The following COLEC12 variants were observed in gnomAD, a reference collection of about 807,000 sequenced individuals.
COLEC12 encodes the protein collectin subfamily member 12.
COLEC12 carries 33 observed loss-of-function variants against 71.1 expected under a neutral mutation model. That is an observed-to-expected ratio of 0.46 (90% CI 0.35 to 0.62). The LOEUF is 0.62. Ranked by LOEUF, COLEC12 falls within the 20% of genes least tolerant of loss-of-function variation. The probability of loss-of-function intolerance (pLI) is 0.00; values close to 1 mark genes in which losing one functional copy is unlikely to be tolerated. For synonymous variants in COLEC12, 350 were observed against 353.0 expected (o/e 0.99, Z 0.10); for missense variants, 765 against 916.1 (o/e 0.84, Z 2.13).
intron 2 of COLEC12, among the ~76,000 whole-genome samples, chr18:398,070 CA>C (rs5822563): frequency 0.99 from 151,218 of 152,316 alleles, 75,072 homozygotes; most frequent in Middle Eastern, 1. Flanking sequence ...CAAAAAAACA[CA>C]AAAAAACAGC....
chr18:319,911 T>G lies in COLEC12; in HGVS notation c.*134A>C. The G allele has an allele frequency of 1.5e-6, 1 of 686,058 alleles. No homozygotes were observed. The highest frequency in any genetic ancestry group is 2.6e-6 in the Non-Finnish European group (1 of 386,052). The allele number at this position is 686,058 out of a possible 1,614,324, so 42.5% of individuals were successfully genotyped here. On this transcript the variant is annotated 3_prime_UTR_variant, in exon 10 of 10. Transcript: ENST00000400256. ...ATGACGGATGGTAAAAAACACTAGC[T>G]GTCAATTTTTTTTCAGTAATTGGTT...
chr18:393,478 C>T (rs986928762), intron 2 of COLEC12, among the ~76,000 whole-genome samples: 1 of 152,036 alleles, frequency 6.6e-6, no homozygotes, highest in Non-Finnish European at 1.5e-5. Flanking sequence ...CTTCTTCCCA[C>T]CTCTAACAAC....
At chr18:378,073 T>G (rs956526742) in intron 2 of COLEC12, among the ~76,000 whole-genome samples, 1 of 152,060 alleles carries the variant, frequency 6.6e-6, no homozygotes, top group Non-Finnish European at 1.5e-5. Context: ...TAACAAACGC[T>G]CTGGCACTGA....
intron 2 of COLEC12, among the ~76,000 whole-genome samples, chr18:471,983 G>A (rs1567918412): frequency 6.6e-6 from 1 of 152,216 alleles, no homozygotes; most frequent in Non-Finnish European, 1.5e-5. Context: ...TGGACACACT[G>A]TAGCCACCTT....
chr18:349,506 G>A (rs997409165), intron 3 of COLEC12, among the ~76,000 whole-genome samples: 3 of 152,206 alleles, frequency 2.0e-5, no homozygotes, highest in South Asian at 2.1e-4. Flanking sequence ...ATGTGGTGTC[G>A]GAGCCCCCAC....
intron 2 of COLEC12, among the ~76,000 whole-genome samples, chr18:401,594 T>C (rs988878459): frequency 6.6e-6 from 1 of 152,182 alleles, no homozygotes; most frequent in East Asian, 1.9e-4. Flanking sequence ...ACTAGAAGCG[T>C]TGAGGTGTAA....
At position 319,709 on chromosome 18, in the gene COLEC12, A is replaced by T. The variant is rs1195214133; in HGVS notation, c.*336T>A. On this transcript the variant is annotated 3_prime_UTR_variant, in exon 10 of 10. Coordinates refer to ENST00000400256, the MANE Select transcript of COLEC12 (RefSeq NM_130386.3). ...CACAGTATATGCTTAAGTTCTTCCC[A>T]TAACTCAACGACCAATGATAACCTT... 3.0e-6 allele frequency: 1 copy of T among 330,210 alleles called. No homozygotes were observed. Among genetic ancestry groups the T allele is most frequent in the Admixed American group, 5.1e-5 (1 of 19,616 alleles). The allele number at this position is 330,210 out of a possible 1,614,324, so 20.5% of individuals were successfully genotyped here.
Position 460,176 on chromosome 18 carries a change from C to T in COLEC12, c.58+20531G>A, listed in dbSNP as rs868734281. Among the ~76,000 whole-genome samples the T allele has an allele frequency of 2.0e-5, 3 of 152,264 alleles. 1 individual carries two copies. The highest frequency in any genetic ancestry group is 6.8e-3 in the Middle Eastern group (2 of 294). The stretch of plus-strand genomic sequence containing the variant: ...CTTCATTCAAACATACGTGGAGTCC[C>T]CCTGCTGTCGGCCAAGAATAAAATA... On this transcript the variant is annotated intron_variant, in intron 2 of 9. Coordinates refer to ENST00000400256, the MANE Select transcript of COLEC12 (RefSeq NM_130386.3).
chr18:373,004 T>A (rs1915034221), intron 2 of COLEC12, among the ~76,000 whole-genome samples: 1 of 152,054 alleles, frequency 6.6e-6, no homozygotes, highest in Non-Finnish European at 1.5e-5. Context: ...TGTATTCTAG[T>A]TAGAGAGTAA....
intron 2 of COLEC12, among the ~76,000 whole-genome samples, chr18:409,256 C>T (rs1323875448): frequency 6.6e-6 from 1 of 152,180 alleles, no homozygotes. Flanking sequence ...GAAACGTCTC[C>T]TAGGCCGGGC....
At chr18:455,364 G>A (rs1375287395) in intron 2 of COLEC12, among the ~76,000 whole-genome samples, 8 of 146,976 alleles carry the variant, frequency 5.4e-5, no homozygotes, top group Non-Finnish European at 1.2e-4. Context: ...TGTAAGCTCC[G>A]CCTCCCGGGT....
At chr18:375,546 G>T (rs535151867) in intron 2 of COLEC12, among the ~76,000 whole-genome samples, 74 of 152,214 alleles carry the variant, frequency 4.9e-4, no homozygotes, top group African/African-American at 1.7e-3. Context: ...GAGTGCAGTG[G>T]CTATTCCTAG....
chr18:329,055 G>A (rs184472217), intron 8 of COLEC12, among the ~76,000 whole-genome samples: 5 of 152,296 alleles, frequency 3.3e-5, no homozygotes, highest in Admixed American at 2.6e-4. Flanking sequence ...GGATTTGGGA[G>A]GCTCCAAAAT....
chr18:332,976 T>C (rs1190930481), intron 7 of COLEC12, 31 bp downstream of exon 7: 1 of 1,529,788 alleles, frequency 6.5e-7, no homozygotes, highest in Non-Finnish European at 8.8e-7. Context: ...TAAATTATAG[T>C]TTTCCCCAAC....
chr18:368,668 G>C (rs1274282), intron 2 of COLEC12, among the ~76,000 whole-genome samples: 54 of 151,774 alleles, frequency 3.6e-4, no homozygotes, highest in Non-Finnish European at 6.3e-4. Context: ...ATCGAGACCA[G>C]CCTGGCTAAC....
At chr18:422,636 T>G (rs965717299) in intron 2 of COLEC12, among the ~76,000 whole-genome samples, 2 of 151,712 alleles carry the variant, frequency 1.3e-5, no homozygotes, top group African/African-American at 4.8e-5. Flanking sequence ...TTTTTATAGA[T>G]TATTTTATAA....
rs191712531 is a variant in COLEC12, at chr18:455,865, A to G, written c.58+24842T>C. ...GGCTGCATAGTATTCTGTGGTGTAT[A>G]TGTGTCACGTTTTCTTTGCCCATTT... On this transcript the variant is annotated intron_variant, in intron 2 of 9. Transcript: ENST00000400256. Among the ~76,000 whole-genome samples, 13 of 152,212 alleles carry G rather than the reference A, an allele frequency of 8.5e-5. No individual in the cohort carries two copies. In the East Asian group the frequency reaches 2.5e-3, roughly 29 times the overall value.
Position 346,453 on chromosome 18 carries a change from G to A in COLEC12, c.1169C>T (p.Ala390Val). The A allele has an allele frequency of 6.2e-7, 1 of 1,614,146 alleles. No homozygotes were observed. The change falls in exon 5 of 10, where the codon GCC becomes GTC. Residue 390 changes from alanine (A) to valine (V), a missense_variant. Transcript: ENST00000400256. The surrounding 1 kb of genome is among the most constrained non-coding windows in gnomAD (Gnocchi z 4.0). Reference sequence around the variant, plus strand: ...AGAAACAGAATCCAAACGGATGTTGGCCAGGGTATTATTCAAGGAGGTCAG... The same window carrying A: ...AGAAACAGAATCCAAACGGATGTTGACCAGGGTATTATTCAAGGAGGTCAG... Reference protein sequence around the residue: ...DDLTSLNNTLANIRLDSVSLR... With the variant: ...DDLTSLNNTLVNIRLDSVSLR...
rs371112414 is a variant in COLEC12 at position 357,956 on chromosome 18, GCT to G, written c.59-436_59-435del. 4.0e-3 allele frequency among the ~76,000 whole-genome samples: 604 copies of G among 152,308 alleles called. 19 individuals are homozygous for G. The South Asian group carries it at 0.089, about 23-fold the overall frequency. ...CAGGTGAGCCAGCATGACCACCTGAGCTCTGTCTCCTGTCAGATCAGTGGCAG... is the reference window on the plus strand; with the variant it reads ...CAGGTGAGCCAGCATGACCACCTGAGCTGTCTCCTGTCAGATCAGTGGCAG... On this transcript the variant is annotated intron_variant, in intron 2 of 9. Transcript: ENST00000400256.
Sources: gnomAD v4.1 joint callset for allele counts (sites outside exome capture counted in the v4.1 genomes callset) on GRCh38, gnomAD v4.1.1 for gene constraint, Gnocchi (gnomAD v3.1) non-coding constraint, MANE v1.5 for transcripts, NCBI Gene and HGNC (gene_info 2026-07-23, HGNC 2026-07-21) for gene names.